NTNG2: variants seen among roughly 807,000 people sequenced by gnomAD.
The protein encoded by NTNG2 is netrin-G2.
Under a neutral mutation model 47.6 loss-of-function variants are expected in NTNG2, and 15 were observed. The observed-to-expected ratio is 0.32, with a 90% CI of 0.21 to 0.49. The LOEUF (loss-of-function observed/expected upper bound fraction) is 0.49, where lower values mean the gene tolerates loss of function less well. Among genes scored for constraint, NTNG2 ranks in the 20% least tolerant of loss-of-function variants. The probability of loss-of-function intolerance (pLI) is 0.99; values close to 1 mark genes in which losing one functional copy is unlikely to be tolerated. For synonymous variants in NTNG2, 307 were observed against 324.6 expected (o/e 0.95, Z 0.58); for missense variants, 578 against 764.6 (o/e 0.76, Z 2.88).
At chr9:132,172,160 C>T (rs1835974928) in intron 2 of NTNG2, among the ~76,000 whole-genome samples, 2 of 152,116 alleles carry the variant, frequency 1.3e-5, no homozygotes, top group Admixed American at 6.5e-5. Flanking sequence ...AATGCCTGCC[C>T]CCTCCTTCCT....
intron 6 of NTNG2, among the ~76,000 whole-genome samples, chr9:132,240,244 G>T (rs1841893378): frequency 6.6e-6 from 1 of 152,242 alleles, no homozygotes; most frequent in South Asian, 2.1e-4. Flanking sequence ...AACTCTAAGT[G>T]ATCAAAGCCG....
chr9:132,166,993 G>A lies in NTNG2; in HGVS notation c.162G>A (p.Val54=), dbSNP rs752634234. 1.2e-6 allele frequency: 2 copies of A among 1,614,126 alleles called. No individual in the cohort carries two copies. The highest frequency in any genetic ancestry group is 1.7e-5 in the Admixed American group (1 of 60,004). ...TGAAGGACTACGTCAAGGTGAAGGT[G>A]GAGCCCTCAGGCATCACATGTGGAG... ...MRLKDYVKVK[V]EPSGITCGDP... is the part of the protein sequence containing the mutation. The change falls in exon 2 of 8, where the codon GTG becomes GTA. Residue 54 remains valine (V), a synonymous_variant. Coordinates refer to ENST00000393229, the MANE Select transcript of NTNG2 (RefSeq NM_032536.4).
intron 2 of NTNG2, among the ~76,000 whole-genome samples, chr9:132,184,649 C>T (rs1483161286): frequency 6.6e-6 from 1 of 152,226 alleles, no homozygotes; most frequent in African/African-American, 2.4e-5. Flanking sequence ...AGAAGCCGGA[C>T]ATGGTGGCTC....
Position 132,162,149 on chromosome 9 carries a change from A to T in NTNG2, c.-574A>T, listed in dbSNP as rs1354912057. 4.0e-5 allele frequency: 6 copies of T among 151,720 alleles called. No homozygotes were observed. The East Asian group carries it at 9.9e-4, about 25-fold the overall frequency. 9.4% of individuals were successfully genotyped at this position (151,720 alleles called of 1,614,324 possible). On this transcript the variant is annotated 5_prime_UTR_variant, in exon 1 of 8. Coordinates refer to ENST00000393229, the MANE Select transcript of NTNG2 (RefSeq NM_032536.4). The surrounding 1 kb of genome is among the most constrained non-coding windows in gnomAD (Gnocchi z 4.6). The stretch of plus-strand genomic sequence containing the variant: ...CAGCCCTCGGCCCGCGCCCCCACCC[A>T]GCGCCAGCCCGAGGGGGGAGGCGCA...
chr9:132,222,717 T>C (rs1023164645), intron 3 of NTNG2, among the ~76,000 whole-genome samples: 5 of 152,120 alleles, frequency 3.3e-5, no homozygotes, highest in African/African-American at 7.2e-5. Flanking sequence ...ACCTGCAGGA[T>C]TCTCTCCTCC....
At position 132,241,151 on chromosome 9, in the gene NTNG2, C is replaced by A. The variant is rs560907337; in HGVS notation, c.1357+107C>A. ...GACGGGGCAGGGGCGGTGGACTGGG[C>A]CTAGCAAGACGGGGCAGGGCCGGGG... On this transcript the variant is annotated intron_variant, in intron 7 of 7. Coordinates refer to ENST00000393229, the MANE Select transcript of NTNG2 (RefSeq NM_032536.4). 1.3e-5 allele frequency: 17 copies of A among 1,344,384 alleles called. No individual in the cohort carries two copies. In the South Asian group the frequency reaches 2.2e-4, roughly 18 times the overall value. 83.3% of individuals were successfully genotyped at this position (1,344,384 alleles called of 1,614,324 possible).
intron 2 of NTNG2, among the ~76,000 whole-genome samples, chr9:132,188,602 C>T (rs1327066345): frequency 6.6e-6 from 1 of 152,204 alleles, no homozygotes; most frequent in African/African-American, 2.4e-5. Flanking sequence ...ACACAGGGCG[C>T]CCAGCACAGG....
At chr9:132,224,015 C>T (rs34389541) in intron 3 of NTNG2, among the ~76,000 whole-genome samples, 65,342 of 152,012 alleles carry the variant, frequency 0.43, 16,217 homozygotes, top group East Asian at 0.73. Flanking sequence ...CCTTCTGGCC[C>T]GGCAACTCTT....
intron 5 of NTNG2, among the ~76,000 whole-genome samples, chr9:132,235,722 A>AT (rs1003897076): frequency 1.3e-5 from 2 of 152,140 alleles, no homozygotes; most frequent in Non-Finnish European, 2.9e-5. Context: ...TGCAGAAGGT[A>AT]TGGGGGGGCA....
At position 132,241,011 on chromosome 9, in the gene NTNG2, C is replaced by T. The variant is rs1841943050; in HGVS notation, c.1324C>T (p.Leu442Phe). 1 of 1,608,496 alleles carries T rather than the reference C, an allele frequency of 6.2e-7. No individual in the cohort carries two copies. Among genetic ancestry groups the T allele is most frequent in the Non-Finnish European group, 8.5e-7 (1 of 1,179,198 alleles). The change falls in exon 7 of 8, where the codon CTC (leucine) becomes TTC (phenylalanine). Residue 442 changes from leucine to phenylalanine, a missense_variant. By Grantham distance (22) the Leu-to-Phe change is conservative. Coordinates refer to ENST00000393229, the MANE Select transcript of NTNG2 (RefSeq NM_032536.4). ...GAAGPKCDDCLPTHYWRQGCY... is the reference protein window; with the variant it reads ...GAAGPKCDDCFPTHYWRQGCY... The stretch of plus-strand genomic sequence containing the variant: ...GGCGGGCCCCAAGTGCGACGACTGC[C>T]TCCCCACGCACTACTGGCGCCAGGG...
chr9:132,213,703 CA>C (rs1386868694), intron 3 of NTNG2, among the ~76,000 whole-genome samples: 18 of 151,888 alleles, frequency 1.2e-4, no homozygotes, highest in Non-Finnish European at 5.9e-5. Flanking sequence ...TGTTTTTTCC[CA>C]AAACAAAAGA....
At chr9:132,184,435 A>G (rs1837183161) in intron 2 of NTNG2, among the ~76,000 whole-genome samples, 1 of 152,228 alleles carries the variant, frequency 6.6e-6, no homozygotes, top group Admixed American at 6.5e-5. Flanking sequence ...CGAAGAAGCC[A>G]CTGGGGAAAA....
intron 2 of NTNG2, among the ~76,000 whole-genome samples, chr9:132,188,642 C>T (rs778804351): frequency 2.0e-5 from 3 of 152,194 alleles, no homozygotes; most frequent in Admixed American, 6.5e-5. Flanking sequence ...TCCCTAACGG[C>T]GGGGCCTGCT....
rs1458570178 is a variant in NTNG2 at position 132,215,334 on chromosome 9, AT to A, written c.858-11511del. Among the ~76,000 whole-genome samples the A allele has an allele frequency of 2.6e-5, 4 of 151,184 alleles. No homozygotes were observed. The highest frequency in any genetic ancestry group is 9.7e-5 in the African/African-American group (4 of 41,222). On this transcript the variant is annotated intron_variant, in intron 3 of 7. Coordinates refer to ENST00000393229, the MANE Select transcript of NTNG2 (RefSeq NM_032536.4). The surrounding 1 kb of genome is among the most constrained non-coding windows in gnomAD (Gnocchi z 4.2). ...GGTGGCTTATACCTGTAATCCCAGC[AT>A]TTTGGGAGGCCGAGGTGGGCGGATC...
At chr9:132,190,015 T>C (rs62577494) in intron 2 of NTNG2, among the ~76,000 whole-genome samples, 66,088 of 146,238 alleles carry the variant, frequency 0.45, 14,982 homozygotes, top group Middle Eastern at 0.5. Flanking sequence ...GGGCGGCTCA[T>C]GAGGTCAGGA....
rs560342226 is a variant in NTNG2 at position 132,212,946 on chromosome 9, C to A, written c.858-13903C>A. On this transcript the variant is annotated intron_variant, in intron 3 of 7. Coordinates refer to ENST00000393229, the MANE Select transcript of NTNG2 (RefSeq NM_032536.4). ...ATCTCTCCCAACCCCCCAAAGAAGACCAAGATCCCCAGGCCACAGTGTTTC... is the reference window on the plus strand; with the variant it reads ...ATCTCTCCCAACCCCCCAAAGAAGAACAAGATCCCCAGGCCACAGTGTTTC... Among the ~76,000 whole-genome samples the A allele has an allele frequency of 7.2e-5, 11 of 152,212 alleles. No individual in the cohort carries two copies. The South Asian group carries it at 2.3e-3, about 32-fold the overall frequency.
rs544146507 is a variant in NTNG2, at chr9:132,215,473, G to C, written c.858-11376G>C. 2.4e-4 allele frequency among the ~76,000 whole-genome samples: 28 copies of C among 117,126 alleles called. No individual in the cohort carries two copies. The highest frequency in any genetic ancestry group is 8.4e-4 in the African/African-American group (25 of 29,636). 76.8% of individuals were successfully genotyped at this position (117,126 alleles called of 152,430 possible). A position where few individuals can be genotyped will look rare whatever the true frequency, so the allele number is the denominator to read the frequency against. ...CGGGCGCCTGTAATCCCAGCTACTC[G>C]GGAGGCTGAGGCAGGATAATTGCTT... On this transcript the variant is annotated intron_variant, in intron 3 of 7. Transcript: ENST00000393229. This position sits in a 1 kb window ranked among gnomAD's most constrained non-coding sequence, Gnocchi z 4.2.
rs112933386 is a variant in NTNG2, at chr9:132,215,853, G to A, written c.858-10996G>A. ...TGGGAGCCCATGTACTCTCATCTCC[G>A]TCCCTCCCTCTATCACCTGTTGGCT... On this transcript the variant is annotated intron_variant, in intron 3 of 7. Coordinates refer to ENST00000393229, the MANE Select transcript of NTNG2 (RefSeq NM_032536.4). The surrounding 1 kb of genome is among the most constrained non-coding windows in gnomAD (Gnocchi z 4.2). Among the ~76,000 whole-genome samples the A allele has an allele frequency of 6.8e-3, 1,040 of 152,208 alleles. 7 individuals carry two copies. The highest frequency in any genetic ancestry group is 0.011 in the Non-Finnish European group (759 of 68,006).
chr9:132,211,087 G>A (rs564717403), intron 3 of NTNG2, among the ~76,000 whole-genome samples: 25 of 152,166 alleles, frequency 1.6e-4, no homozygotes, highest in South Asian at 2.1e-4. Context: ...GGAGGCCTCC[G>A]CAGCAGCCCG....
Sources: allele counts gnomAD v4.1 joint callset (sites outside exome capture counted in the v4.1 genomes callset), GRCh38; gene constraint gnomAD v4.1.1; non-coding constraint Gnocchi (gnomAD v3.1); transcripts MANE v1.5; gene names NCBI Gene and HGNC (gene_info 2026-07-23, HGNC 2026-07-21).